The following ZMIZ1 variants were observed in gnomAD, a reference collection of about 807,000 sequenced individuals.
The protein encoded by ZMIZ1 is zinc finger MIZ-type containing 1, also known as zinc finger MIZ domain-containing protein 1.
In ZMIZ1, 17 loss-of-function variants were observed where a neutral mutation model predicts 113.9. That is an observed-to-expected ratio of 0.15 (90% CI 0.10 to 0.22). ZMIZ1 has a LOEUF of 0.22. Ranked by LOEUF, ZMIZ1 falls within the 10% of genes least tolerant of loss-of-function variation. ZMIZ1 has a pLI of 1.00. For synonymous variants in ZMIZ1, 607 were observed against 603.1 expected (o/e 1.01, Z -0.09); for missense variants, 1,059 against 1,477.8 (o/e 0.72, Z 4.65).
chr10:79,197,231 C>A (rs946746975), intron 4 of ZMIZ1, among the ~76,000 whole-genome samples: 4 of 152,154 alleles, frequency 2.6e-5, no homozygotes, highest in East Asian at 1.9e-4. Context: ...AAGTTGAATT[C>A]TCTATTGGAA....
intron 1 of ZMIZ1, among the ~76,000 whole-genome samples, chr10:79,097,730 C>T (rs914106172): frequency 6.6e-6 from 1 of 152,010 alleles, no homozygotes; most frequent in Non-Finnish European, 1.5e-5. Flanking sequence ...GTGTCAGTGG[C>T]GCAGTGAAGT....
intron 14 of ZMIZ1, 60 bp from the exon 15 acceptor site, chr10:79,298,346 C>T: frequency 1.9e-6 from 3 of 1,555,380 alleles, no homozygotes; most frequent in Non-Finnish European, 2.6e-6. Flanking sequence ...ATGTCCATAG[C>T]CATGGCCCCT....
intron 7 of ZMIZ1, among the ~76,000 whole-genome samples, chr10:79,223,411 C>T (rs1455005457): frequency 6.6e-6 from 1 of 152,210 alleles, no homozygotes; most frequent in Non-Finnish European, 1.5e-5. Context: ...GGCCCCCACC[C>T]CCACATACAA....
chr10:79,121,205 C>T (rs1257030788), intron 2 of ZMIZ1, among the ~76,000 whole-genome samples: 1 of 152,200 alleles, frequency 6.6e-6, no homozygotes, highest in African/African-American at 2.4e-5. Context: ...AGGGATAGGT[C>T]ATTTATTACC....
intron 2 of ZMIZ1, among the ~76,000 whole-genome samples, chr10:79,134,497 G>A (rs1351815909): frequency 6.6e-6 from 1 of 152,154 alleles, no homozygotes; most frequent in Admixed American, 6.5e-5. Flanking sequence ...CTTAGCCCAT[G>A]GCCCAAACTG....
intron 3 of ZMIZ1, among the ~76,000 whole-genome samples, chr10:79,160,152 C>T (rs1846052150): frequency 1.3e-5 from 2 of 152,240 alleles, no homozygotes; most frequent in African/African-American, 2.4e-5. Context: ...ACTGCATGAC[C>T]CCAGATGAGG....
At chr10:79,093,135 A>ACACACAC (rs1843037700) in intron 1 of ZMIZ1, among the ~76,000 whole-genome samples, 1 of 107,956 alleles carries the variant, frequency 9.3e-6, no homozygotes, top group African/African-American at 3.5e-5. Flanking sequence ...CCCCACCCCC[A>ACACACAC]ACACACACAC....
At chr10:79,220,734 AC>A (rs1477515083) in intron 7 of ZMIZ1, among the ~76,000 whole-genome samples, 1 of 151,848 alleles carries the variant, frequency 6.6e-6, no homozygotes, top group African/African-American at 2.4e-5. Flanking sequence ...TGGGTCTCAG[AC>A]TTTCTCCCAC....
rs1293764071 is a variant in ZMIZ1 at position 79,268,559 on chromosome 10, T to C, written c.281-8622T>C. Among the ~76,000 whole-genome samples, 5 of 152,256 alleles carry C rather than the reference T, an allele frequency of 3.3e-5. No homozygotes were observed. In the East Asian group the frequency reaches 9.6e-4, roughly 29 times the overall value. On this transcript the variant is annotated intron_variant, in intron 7 of 24. Coordinates refer to ENST00000334512, the MANE Select transcript of ZMIZ1 (RefSeq NM_020338.4). The stretch of plus-strand genomic sequence containing the variant: ...GATTCATGTCAGTGTGTTAGTCATC[T>C]GTTGGCTGCATAGCATGTGCTAAAC...
intron 7 of ZMIZ1, among the ~76,000 whole-genome samples, chr10:79,274,054 G>A (rs1240381902): frequency 2.6e-5 from 4 of 151,684 alleles, no homozygotes; most frequent in Non-Finnish European, 3.0e-5. Context: ...TGTAAAAAGG[G>A]GCCTTTGGGG....
At chr10:79,162,003 G>C in intron 3 of ZMIZ1, 50 bp from the exon 4 acceptor site, 1 of 399,048 alleles carries the variant, frequency 2.5e-6, no homozygotes, top group Non-Finnish European at 4.4e-6. Flanking sequence ...CATGGTCAGT[G>C]CCGGGCCTCT....
At chr10:79,152,632 C>T (rs1267601582) in intron 3 of ZMIZ1, among the ~76,000 whole-genome samples, 3 of 152,268 alleles carry the variant, frequency 2.0e-5, no homozygotes, top group Admixed American at 6.5e-5. Context: ...CCGCCCTGCC[C>T]GGATCCCCAG....
In ZMIZ1 at chr10:79,165,948, C is replaced by CTGTGTGTGTGTGTGTGTGTGTGTGTGTG. The variant is rs1174980856; in HGVS notation, c.-50+3842_-50+3869dup. ...CCTTGGCCTCCAAGCCCCAGCTCAGCTGTGTGTGTGTGTGTGTGTGTGTGT... is the reference window on the plus strand; with the variant it reads ...CCTTGGCCTCCAAGCCCCAGCTCAGCTGTGTGTGTGTGTGTGTGTGTGTGTGTGTGTGTGTGTGTGTGTGTGTGTGTGT... On this transcript the variant is annotated intron_variant, in intron 4 of 24. Transcript: ENST00000334512. Among the ~76,000 whole-genome samples, 25 of 59,844 alleles carry CTGTGTGTGTGTGTGTGTGTGTGTGTGTG rather than the reference C, an allele frequency of 4.2e-4. 1 individual carries two copies. The highest frequency in any genetic ancestry group is 1.8e-3 in the South Asian group (4 of 2,200). The allele number at this position is 59,844 out of a possible 152,430, so 39.3% of individuals were successfully genotyped here. A position where few individuals can be genotyped will look rare whatever the true frequency, so the allele number is the denominator to read the frequency against.
intron 3 of ZMIZ1, among the ~76,000 whole-genome samples, chr10:79,161,646 T>C (rs1029842585): frequency 6.6e-6 from 1 of 152,244 alleles, no homozygotes; most frequent in African/African-American, 2.4e-5. Context: ...GCTTTTACTT[T>C]TGTATCATTT....
intron 7 of ZMIZ1, among the ~76,000 whole-genome samples, chr10:79,218,456 T>C (rs533100248): frequency 6.6e-6 from 1 of 151,970 alleles, no homozygotes; most frequent in African/African-American, 2.4e-5. Flanking sequence ...GCCTGGGTGA[T>C]AGAGTAAGAC....
At chr10:79,119,339 A>C (rs1832596) in intron 2 of ZMIZ1, among the ~76,000 whole-genome samples, 1,949 of 152,334 alleles carry the variant, frequency 0.013, 28 homozygotes, top group Non-Finnish European at 0.016. Flanking sequence ...TGGAAATAAC[A>C]GTAATGATAT....
At chr10:79,299,784 G>T (rs560328226) in intron 16 of ZMIZ1, among the ~76,000 whole-genome samples, 1 of 152,366 alleles carries the variant, frequency 6.6e-6, no homozygotes, top group South Asian at 2.1e-4. Context: ...GGAAGCTGAG[G>T]CTAGAGAAGT....
At chr10:79,247,633 G>C (rs1239759351) in intron 7 of ZMIZ1, among the ~76,000 whole-genome samples, 1 of 152,194 alleles carries the variant, frequency 6.6e-6, no homozygotes, top group Non-Finnish European at 1.5e-5. Flanking sequence ...CCCCCCGTAG[G>C]GTGAGGCCAG....
At chr10:79,114,363 T>A (rs1277059911) in intron 1 of ZMIZ1, among the ~76,000 whole-genome samples, 1 of 152,234 alleles carries the variant, frequency 6.6e-6, no homozygotes, top group Non-Finnish European at 1.5e-5. Context: ...GTTGGAAATG[T>A]GCTCTGAGGA....
Sources: gnomAD v4.1 joint callset for allele counts (sites outside exome capture counted in the v4.1 genomes callset) on GRCh38, gnomAD v4.1.1 for gene constraint, MANE v1.5 for transcripts, NCBI Gene and HGNC (gene_info 2026-07-23, HGNC 2026-07-21) for gene names.